Variants in FAM83E observed in about 807,000 individuals in gnomAD.
FAM83E encodes scaffolding CK1 anchoring protein E.
Under a neutral mutation model 34.3 loss-of-function variants are expected in FAM83E, and 29 were observed. The observed-to-expected ratio is 0.85, with a 90% confidence interval of 0.63 to 1.15. The LOEUF (loss-of-function observed/expected upper bound fraction) is 1.15. Ranked by LOEUF, FAM83E falls within the 50% of genes most tolerant of loss-of-function variation. FAM83E has a pLI of 0.00. For missense variants in FAM83E, 697 were observed against 685.0 expected, an observed-to-expected ratio of 1.02 and a Z score of -0.20; for synonymous variants, 312 against 311.6, an observed-to-expected ratio of 1.00 and a Z score of -0.01.
At chr19:48,610,102 G>A in intron 4 of FAM83E, 102 bp from the exon 5 acceptor site, 5 of 1,459,100 alleles carry the variant, frequency 3.4e-6, no homozygotes, top group Non-Finnish European at 4.6e-6. Context: ...TGACTCCATA[G>A]AAGTATCTGT....
chr19:48,600,268 C>T lies in FAM83E; in HGVS notation c.*841G>A, dbSNP rs570191011. Among the ~76,000 whole-genome samples the T allele has an allele frequency of 1.3e-5, 2 of 152,226 alleles. No homozygotes were observed. Among genetic ancestry groups the T allele is most frequent in the African/African-American group, 4.8e-5 (2 of 41,464 alleles). Reference sequence around the variant, plus strand: ...GTGTGTCTTCTTTAGGATCCGCTGCCTGGGGACGCTGCCAGCCCATCTTCT... The same window carrying T: ...GTGTGTCTTCTTTAGGATCCGCTGCTTGGGGACGCTGCCAGCCCATCTTCT... On this transcript the variant is annotated 3_prime_UTR_variant, in exon 7 of 7. Coordinates refer to ENST00000263266, the MANE Select transcript of FAM83E (RefSeq NM_017708.4).
At chr19:48,603,329 G>A (rs1973863753) in intron 6 of FAM83E, among the ~76,000 whole-genome samples, 165 bp downstream of exon 6, 1 of 152,204 alleles carries the variant, frequency 6.6e-6, no homozygotes, top group African/African-American at 2.4e-5. Context: ...CAGCAGGCGT[G>A]CAGGAAATGA....
chr19:48,606,530 C>T (rs1012262568), intron 5 of FAM83E, among the ~76,000 whole-genome samples: 5 of 152,184 alleles, frequency 3.3e-5, no homozygotes, highest in Admixed American at 1.3e-4. Flanking sequence ...AAGCCCTTGG[C>T]GGGTGTACAG....
rs1413403755 is a variant in FAM83E, at chr19:48,601,353, C to T, written c.1193G>A (p.Gly398Asp). The change falls in exon 7 of 7, where the codon GGC becomes GAC. Residue 398 changes from glycine (G) to aspartate (D), a missense_variant. Gly to Asp is a moderately conservative substitution (Grantham distance 94). Transcript: ENST00000263266. ...DGDNELKKSW[G>D]SKDTPAKALM... ...AGCCTTGGCTGGAGTGTCCTTGGAG[C>T]CCCAGGATTTCTTGAGCTGTGGAGG... 1 of 1,563,202 alleles carries T rather than the reference C, an allele frequency of 6.4e-7. No individual in the cohort carries two copies. The highest frequency in any genetic ancestry group is 1.9e-5 in the Admixed American group (1 of 52,078).
intron 6 of FAM83E, 131 bp downstream of exon 6, chr19:48,603,363 A>G: frequency 1.2e-6 from 1 of 809,416 alleles, no homozygotes; most frequent in Non-Finnish European, 1.7e-6. Context: ...TTATGAATTT[A>G]GGGGTGCAGG....
chr19:48,602,304 A>T (rs1026711360), intron 6 of FAM83E, among the ~76,000 whole-genome samples: 5 of 150,880 alleles, frequency 3.3e-5, no homozygotes, highest in African/African-American at 1.2e-4. Context: ...GGTGAGGAAG[A>T]GGCAGGAAGG....
At position 48,614,323 on chromosome 19, in the gene FAM83E, CCCCTGCCTGGGGCCTGG is replaced by C; in HGVS notation, c.-968_-952del. ...CCAGCCACCCTCCTCAGGCTGGCTGCCCCTGCCTGGGGCCTGGCCCTGGGACCTGTTCCAGGCCGTCC... is the reference window on the plus strand; with the variant it reads ...CCAGCCACCCTCCTCAGGCTGGCTGCCCCTGGGACCTGTTCCAGGCCGTCC... On this transcript the variant is annotated 5_prime_UTR_variant, in exon 3 of 7. Transcript: ENST00000263266. 1.0e-6 allele frequency: 1 copy of C among 985,680 alleles called. No homozygotes were observed. Among genetic ancestry groups the C allele is most frequent in the Non-Finnish European group, 1.2e-6 (1 of 830,180 alleles). 61.1% of individuals were successfully genotyped at this position (985,680 alleles called of 1,614,324 possible).
intron 5 of FAM83E, chr19:48,607,307 G>T: frequency 6.3e-7 from 1 of 1,597,316 alleles, no homozygotes; most frequent in Non-Finnish European, 8.5e-7. Context: ...GCCACCACCA[G>T]CCTGGCACTG....
In FAM83E at chr19:48,603,723, C is replaced by T. The variant is rs558759855; in HGVS notation, c.947G>A (p.Arg316His). 75 of 1,448,222 alleles carry T rather than the reference C, an allele frequency of 5.2e-5. No homozygotes were observed. In the African/African-American group the frequency reaches 7.0e-4, roughly 13 times the overall value. The allele number at this position is 1,448,222 out of a possible 1,614,324, so 89.7% of individuals were successfully genotyped here. Residue 316 changes from arginine to histidine, a missense_variant, in exon 6 of 7, where the codon CGC becomes CAC. Coordinates refer to ENST00000263266, the MANE Select transcript of FAM83E (RefSeq NM_017708.4). ...CGACGCGGGGGCCACGGAGCGGCGG[C>T]GGGACACGCGGTGCGGGCTGCGGCC... ...QRGRSPHRVS[R>H]RRSVAPASPP...
intron 5 of FAM83E, among the ~76,000 whole-genome samples, chr19:48,609,265 C>CTTTT (rs869031073): frequency 5.3e-4 from 53 of 99,636 alleles, no homozygotes; most frequent in Admixed American, 7.9e-4. Context: ...TTCTTTCTTT[C>CTTTT]TTTTTTTTTT....
In FAM83E at chr19:48,603,725, G is replaced by C. The variant is rs747077302; in HGVS notation, c.945C>G (p.Ser315=). The C allele has an allele frequency of 6.8e-7, 1 of 1,465,784 alleles. No homozygotes were observed. 90.8% of individuals were successfully genotyped at this position (1,465,784 alleles called of 1,614,324 possible). Residue 315 remains serine (S), a synonymous_variant, in exon 6 of 7, where the codon TCC becomes TCG. Coordinates refer to ENST00000263266, the MANE Select transcript of FAM83E (RefSeq NM_017708.4). ...LQRGRSPHRV[S]RRRSVAPASP... ...ACGCGGGGGCCACGGAGCGGCGGCG[G>C]GACACGCGGTGCGGGCTGCGGCCCC... is the stretch of plus-strand genomic sequence containing the variant.
At chr19:48,601,417 T>A (rs1973813619) in intron 6 of FAM83E, 48 bp from the exon 7 acceptor site, 29 of 1,543,412 alleles carry the variant, frequency 1.9e-5, no homozygotes, top group Non-Finnish European at 2.3e-5. Flanking sequence ...GGTGGGGCCC[T>A]GGGGGCATCC....
Position 48,603,554 on chromosome 19 carries a change from G to A in FAM83E, c.1116C>T (p.Arg372=). ...ACAGGCGGCTTAGGTCCCACATGGA[G>A]CGGCTGGGCCGGGCCGGGGGGCCGC... ...TPSGPPARPS[R]SMWDLSRLSQ... The change falls in exon 6 of 7, where the codon CGC becomes CGT. Residue 372 remains arginine (R), a synonymous_variant. Transcript: ENST00000263266. The A allele has an allele frequency of 6.4e-7, 1 of 1,565,104 alleles. No individual in the cohort carries two copies.
chr19:48,601,053 A>C lies in FAM83E; in HGVS notation c.*56T>G, dbSNP rs1423413022. On this transcript the variant is annotated 3_prime_UTR_variant, in exon 7 of 7. Transcript: ENST00000263266. ...CATTGAGGCAGAGGGCTCTGAGCCG[A>C]CAGTTGTCCGGCACTGCTCCTTGGG... 1 of 1,550,020 alleles carries C rather than the reference A, an allele frequency of 6.5e-7. No homozygotes were observed. The highest frequency in any genetic ancestry group is 1.4e-5 in the African/African-American group (1 of 72,656).
intron 5 of FAM83E, 36 bp downstream of exon 5, chr19:48,609,840 G>A: frequency 6.2e-7 from 1 of 1,605,220 alleles, no homozygotes; most frequent in South Asian, 1.1e-5. Context: ...TGGGGTATAG[G>A]ACGCCGGGAG....
chr19:48,607,759 T>TG (rs1410268604), intron 5 of FAM83E: 5 of 168,942 alleles, frequency 3.0e-5, no homozygotes, highest in African/African-American at 1.2e-4. Context: ...TTTTTTTTTT[T>TG]CTTTTTGTAG....
chr19:48,610,576 C>T, intron 4 of FAM83E, 104 bp downstream of exon 4: 3 of 1,332,678 alleles, frequency 2.3e-6, no homozygotes, highest in Non-Finnish European at 3.0e-6. Context: ...ACCATCCCTG[C>T]TAGCATCCAT....
Position 48,603,853 on chromosome 19 carries a change from T to C in FAM83E, c.817A>G (p.Ile273Val). ...AACTCAAGGCTGAAGGCGTCAACAA[T>C]TTCACCAGTCAGCAGGGTCACCAGG... Reference protein sequence around the residue: ...RGLVTLLTGEIVDAFSLEFRT... With the variant: ...RGLVTLLTGEVVDAFSLEFRT... Residue 273 changes from isoleucine (I) to valine (V), a missense_variant, in exon 6 of 7, where the codon ATT becomes GTT. Transcript: ENST00000263266. The C allele has an allele frequency of 6.2e-7, 1 of 1,608,710 alleles. No homozygotes were observed. The highest frequency in any genetic ancestry group is 8.5e-7 in the Non-Finnish European group (1 of 1,177,618).
In FAM83E at chr19:48,609,968, G is replaced by C. The variant is rs753529663; in HGVS notation, c.666C>G (p.Ser222Arg). ...CCTGCCGTCGCCAGCGGCTCTGGAA[G>C]CTGCAGCCCCGCACGACACGGACAT... ...NVDVRVVRGC[S>R]FQSRWRRQVS... Residue 222 changes from serine to arginine, a missense_variant, in exon 5 of 7, where the codon AGC becomes AGG. Physicochemically the swap from Ser to Arg is moderately radical, Grantham distance 110 (BLOSUM62 -1). Transcript: ENST00000263266. The C allele has an allele frequency of 6.2e-7, 1 of 1,612,950 alleles. No individual in the cohort carries two copies. The highest frequency in any genetic ancestry group is 8.5e-7 in the Non-Finnish European group (1 of 1,180,008).
Sources: allele counts gnomAD v4.1 joint callset (sites outside exome capture counted in the v4.1 genomes callset), GRCh38; gene constraint gnomAD v4.1.1; transcripts MANE v1.5; gene names NCBI Gene and HGNC (gene_info 2026-07-23, HGNC 2026-07-21).